The following SLC2A13 variants were observed in gnomAD, a reference collection of about 807,000 sequenced individuals.
The protein encoded by SLC2A13 is proton myo-inositol cotransporter.
In SLC2A13, 32 loss-of-function variants were observed where a neutral mutation model predicts 64.4. The observed-to-expected ratio is 0.50, with a 90% CI of 0.37 to 0.67. The LOEUF is 0.67. SLC2A13 is among the 30% of genes least tolerant of loss of function. The pLI is 0.00. For missense variants in SLC2A13, 743 were observed against 829.2 expected, an observed-to-expected ratio of 0.90 and a Z score of 1.28; for synonymous variants, 338 against 327.1, an observed-to-expected ratio of 1.03 and a Z score of -0.36.
At chr12:39,856,642 C>T (rs1325193525) in intron 6 of SLC2A13, among the ~76,000 whole-genome samples, 2 of 152,234 alleles carry the variant, frequency 1.3e-5, no homozygotes, top group African/African-American at 2.4e-5. Context: ...GCTGGGATTA[C>T]AGGCATGAGC....
At chr12:39,842,120 A>G (rs2135876065) in intron 6 of SLC2A13, among the ~76,000 whole-genome samples, 2 of 152,220 alleles carry the variant, frequency 1.3e-5, no homozygotes, top group African/African-American at 4.8e-5. Flanking sequence ...GTTCCAACCT[A>G]AGGATGTTGA....
At chr12:39,931,763 G>A (rs564216385) in intron 4 of SLC2A13, among the ~76,000 whole-genome samples, 74 of 152,020 alleles carry the variant, frequency 4.9e-4, no homozygotes, top group African/African-American at 1.8e-3. Context: ...ACTCTGCAAA[G>A]CCTAATGAAA....
intron 2 of SLC2A13, among the ~76,000 whole-genome samples, chr12:40,032,430 T>G (rs1947919377): frequency 6.6e-6 from 1 of 152,226 alleles, no homozygotes; most frequent in African/African-American, 2.4e-5. Flanking sequence ...CAAAATGAAC[T>G]ATTTTCTGGC....
intron 6 of SLC2A13, among the ~76,000 whole-genome samples, chr12:39,832,157 A>G (rs1281292485): frequency 6.6e-6 from 1 of 152,188 alleles, no homozygotes; most frequent in African/African-American, 2.4e-5. Context: ...CACACTGGTG[A>G]TAAGCACACT....
chr12:39,927,005 T>TAAATCATGTTTA (rs1945742264), intron 4 of SLC2A13, among the ~76,000 whole-genome samples: 2 of 152,188 alleles, frequency 1.3e-5, no homozygotes, highest in African/African-American at 2.4e-5. Flanking sequence ...GCTGGACAAT[T>TAAATCATGTTTA]GATAAAGCAA....
intron 1 of SLC2A13, among the ~76,000 whole-genome samples, chr12:40,062,725 A>G (rs553816200): frequency 1.3e-5 from 2 of 152,176 alleles, no homozygotes; most frequent in Non-Finnish European, 2.9e-5. Flanking sequence ...TAAACATCCA[A>G]ATTAAAGTTG....
intron 6 of SLC2A13, among the ~76,000 whole-genome samples, chr12:39,833,378 G>T (rs1054074570): frequency 6.6e-6 from 1 of 151,886 alleles, no homozygotes; most frequent in Non-Finnish European, 1.5e-5. Context: ...CTTACTCCAA[G>T]AACAACTGCT....
chr12:40,083,131 C>T (rs1388369474), intron 1 of SLC2A13, among the ~76,000 whole-genome samples: 1 of 152,060 alleles, frequency 6.6e-6, no homozygotes, highest in South Asian at 2.1e-4. Flanking sequence ...CTGTGTAGTA[C>T]CTTATGTCAC....
intron 7 of SLC2A13, among the ~76,000 whole-genome samples, chr12:39,809,523 T>A (rs997289725): frequency 6.6e-6 from 1 of 152,284 alleles, no homozygotes; most frequent in South Asian, 2.1e-4. Flanking sequence ...ATTATTATTA[T>A]ACTTTAAGTT....
In SLC2A13 at chr12:39,800,539, C is replaced by T. The variant is rs546132328; in HGVS notation, c.1445+29564G>A. On this transcript the variant is annotated intron_variant, in intron 7 of 9. Coordinates refer to ENST00000280871, the MANE Select transcript of SLC2A13 (RefSeq NM_052885.4). Reference sequence around the variant, plus strand: ...ATCAGAGAAATGCAAATCAAAACCACTATGAGATATCATCTCACACCAGTT... The same window carrying T: ...ATCAGAGAAATGCAAATCAAAACCATTATGAGATATCATCTCACACCAGTT... 4.4e-5 allele frequency among the ~76,000 whole-genome samples: 5 copies of T among 114,900 alleles called. No individual in the cohort carries two copies. The East Asian group carries it at 1.2e-3, about 28-fold the overall frequency. The allele number at this position is 114,900 out of a possible 152,430, so 75.4% of individuals were successfully genotyped here.
At chr12:39,770,217 A>T (rs773147845) in intron 7 of SLC2A13, among the ~76,000 whole-genome samples, 27 of 151,992 alleles carry the variant, frequency 1.8e-4, no homozygotes, top group Admixed American at 5.9e-4. Flanking sequence ...TTCCATGTGG[A>T]TGCTCCTCAA....
chr12:39,966,241 A>G (rs1946512791), intron 3 of SLC2A13, among the ~76,000 whole-genome samples: 1 of 151,926 alleles, frequency 6.6e-6, no homozygotes, highest in Non-Finnish European at 1.5e-5. Context: ...TTGTAGTTAC[A>G]ATGATCATCA....
At chr12:39,978,382 G>A (rs540260824) in intron 3 of SLC2A13, among the ~76,000 whole-genome samples, 2 of 152,146 alleles carry the variant, frequency 1.3e-5, no homozygotes, top group East Asian at 1.9e-4. Context: ...TGCAGAAGAC[G>A]GGTGATTTCT....
chr12:39,826,455 G>GT (rs1382527298), intron 7 of SLC2A13, among the ~76,000 whole-genome samples: 7,030 of 137,356 alleles, frequency 0.051, 458 homozygotes, highest in African/African-American at 0.16. Context: ...ATTTTTCTGG[G>GT]TTTTTTTTTT....
chr12:39,761,781 G>T (rs1318114434), intron 9 of SLC2A13, among the ~76,000 whole-genome samples: 2 of 152,010 alleles, frequency 1.3e-5, no homozygotes, highest in Non-Finnish European at 2.9e-5. Context: ...AGTACAGATG[G>T]TAAAACATTT....
intron 4 of SLC2A13, among the ~76,000 whole-genome samples, chr12:39,926,570 T>C (rs559135536): frequency 6.6e-6 from 1 of 152,262 alleles, no homozygotes; most frequent in East Asian, 1.9e-4. Context: ...CAATAGGTAA[T>C]AAAATCATCT....
At chr12:39,765,002 T>C (rs1940297768) in intron 7 of SLC2A13, 144 bp from the exon 8 acceptor site, 2 of 953,212 alleles carry the variant, frequency 2.1e-6, no homozygotes, top group Non-Finnish European at 3.0e-6. Context: ...GAACTAAATA[T>C]ACAGTATTAG....
rs28370641 is a variant in SLC2A13 at position 39,993,869 on chromosome 12, C to A, written c.925+34432G>T. Among the ~76,000 whole-genome samples the A allele has an allele frequency of 1.9e-3, 289 of 152,214 alleles. 1 individual carries two copies. Among genetic ancestry groups the A allele is most frequent in the Admixed American group, 3.9e-3 (60 of 15,278 alleles). On this transcript the variant is annotated intron_variant, in intron 3 of 9. Transcript: ENST00000280871. Reference sequence around the variant, plus strand: ...ACTATTCTTTCTAAGAAAACAGACACGTATTTGTTTCTTATCTACTTAAAT... The same window carrying A: ...ACTATTCTTTCTAAGAAAACAGACAAGTATTTGTTTCTTATCTACTTAAAT...
At chr12:39,796,554 G>A (rs1592145654) in intron 7 of SLC2A13, among the ~76,000 whole-genome samples, 5 of 152,000 alleles carry the variant, frequency 3.3e-5, no homozygotes, top group Admixed American at 3.3e-4. Context: ...CCCATGAGCT[G>A]GGAGCTGGCA....
Sources: gnomAD v4.1 joint callset for allele counts (sites outside exome capture counted in the v4.1 genomes callset) on GRCh38, gnomAD v4.1.1 for gene constraint, MANE v1.5 for transcripts, NCBI Gene and HGNC (gene_info 2026-07-23, HGNC 2026-07-21) for gene names.